Variants in OR9Q1 observed in about 807,000 individuals in gnomAD.
OR9Q1 encodes the protein olfactory receptor 9Q1.
For missense variants in OR9Q1, 374 were observed against 378.8 expected (o/e 0.99, Z 0.11); for synonymous variants, 153 against 148.6 (o/e 1.03, Z -0.22).
chr11:58,141,225 A>G (rs1487095153), intron 2 of OR9Q1, among the ~76,000 whole-genome samples: 5 of 152,016 alleles, frequency 3.3e-5, no homozygotes, highest in African/African-American at 4.8e-5. Context: ...TCTCCTGCCT[A>G]ATTGCCCTGG....
intron 2 of OR9Q1, among the ~76,000 whole-genome samples, chr11:58,066,560 CTCCG>C (rs1853431973): frequency 6.6e-6 from 1 of 152,158 alleles, no homozygotes; most frequent in African/African-American, 2.4e-5. Flanking sequence ...TTCTCCAGGT[CTCCG>C]AGACTTTCTT....
At chr11:58,144,297 C>T (rs1489230148) in intron 2 of OR9Q1, among the ~76,000 whole-genome samples, 1 of 149,718 alleles carries the variant, frequency 6.7e-6, no homozygotes, top group African/African-American at 2.5e-5. Context: ...TTTGTCCTTG[C>T]GATAGTTTGC....
chr11:58,108,415 G>T (rs910208991), intron 2 of OR9Q1, among the ~76,000 whole-genome samples: 2 of 152,150 alleles, frequency 1.3e-5, no homozygotes, highest in South Asian at 4.1e-4. Context: ...ATGGTAATCA[G>T]TTCGCTTATG....
Position 58,180,001 on chromosome 11 carries a change from A to T in OR9Q1, c.557A>T (p.Lys186Met). 1 of 1,614,076 alleles carries T rather than the reference A, an allele frequency of 6.2e-7. No homozygotes were observed. The highest frequency in any genetic ancestry group is 1.1e-5 in the South Asian group (1 of 91,058). ...FIFCDLPPLL[K>M]LTCGESYTQE... ...TTCTGTGACCTCCCTCCTCTGTTAA[A>T]GTTGACCTGTGGGGAGAGCTACACT... is the stretch of plus-strand genomic sequence containing the variant. Residue 186 changes from lysine to methionine, a missense_variant, in exon 3 of 3, where the codon AAG becomes ATG. Lys to Met is a moderately conservative substitution (Grantham distance 95). Transcript: ENST00000335397.
intron 2 of OR9Q1, among the ~76,000 whole-genome samples, chr11:58,164,262 A>G (rs1354639780): frequency 2.0e-5 from 3 of 152,102 alleles, no homozygotes; most frequent in Non-Finnish European, 4.4e-5. Context: ...AATTATGATT[A>G]TTTCATATTG....
At chr11:58,045,596 A>G (rs1853208821) in intron 1 of OR9Q1, among the ~76,000 whole-genome samples, 1 of 152,174 alleles carries the variant, frequency 6.6e-6, no homozygotes, top group Non-Finnish European at 1.5e-5. Context: ...TGAAGTCCAT[A>G]TCATAGTGAC....
At chr11:58,046,579 C>T (rs957948993) in intron 1 of OR9Q1, among the ~76,000 whole-genome samples, 1 of 152,136 alleles carries the variant, frequency 6.6e-6, no homozygotes, top group East Asian at 1.9e-4. Flanking sequence ...TAGAATTTCT[C>T]AGCTGATCGT....
At chr11:58,154,889 G>A (rs1036745877) in intron 2 of OR9Q1, among the ~76,000 whole-genome samples, 1 of 152,192 alleles carries the variant, frequency 6.6e-6, no homozygotes, top group Admixed American at 6.5e-5. Flanking sequence ...TTTCCATCAG[G>A]GTGAGCTGTT....
At chr11:58,127,532 C>T (rs1329491941) in intron 2 of OR9Q1, among the ~76,000 whole-genome samples, 1 of 152,142 alleles carries the variant, frequency 6.6e-6, no homozygotes, top group Non-Finnish European at 1.5e-5. Context: ...CTTTTTGCAG[C>T]CCACACCAAC....
chr11:58,107,593 G>A (rs576033680), intron 2 of OR9Q1, among the ~76,000 whole-genome samples: 1 of 152,228 alleles, frequency 6.6e-6, no homozygotes, highest in East Asian at 1.9e-4. Context: ...TGTCTTTATG[G>A]TAGCATGATT....
Position 58,180,036 on chromosome 11 carries a change from C to T in OR9Q1, c.592C>T (p.Leu198=). The T allele has an allele frequency of 1.2e-6, 2 of 1,614,140 alleles. No homozygotes were observed. The highest frequency in any genetic ancestry group is 1.7e-6 in the Non-Finnish European group (2 of 1,179,990). Residue 198 remains leucine, a synonymous_variant, in exon 3 of 3, where the codon CTG becomes TTG. Coordinates refer to ENST00000335397, the MANE Select transcript of OR9Q1 (RefSeq NM_001005212.4). The part of the protein sequence containing the change: ...TCGESYTQEV[L]IIMFAIFVIP... ...TGGGGAGAGCTACACTCAAGAAGTGCTGATTATTATGTTTGCCATTTTTGT... is the reference window on the plus strand; with the variant it reads ...TGGGGAGAGCTACACTCAAGAAGTGTTGATTATTATGTTTGCCATTTTTGT...
Position 58,119,337 on chromosome 11 carries a change from T to C in OR9Q1, c.-14-60094T>C. 3 of 1,613,644 alleles carry C rather than the reference T, an allele frequency of 1.9e-6. No individual in the cohort carries two copies. In the South Asian group the frequency reaches 3.3e-5, roughly 18 times the overall value. Reference sequence around the variant, plus strand: ...TCCCCACATTCCCAAGAAGGGTGACTAGGTAGAAACTCAGAAACACCAGAA... The same window carrying C: ...TCCCCACATTCCCAAGAAGGGTGACCAGGTAGAAACTCAGAAACACCAGAA... On this transcript the variant is annotated intron_variant, in intron 2 of 2. Coordinates refer to ENST00000335397, the MANE Select transcript of OR9Q1 (RefSeq NM_001005212.4).
At chr11:58,130,763 C>T (rs917489347) in intron 2 of OR9Q1, among the ~76,000 whole-genome samples, 11 of 151,374 alleles carry the variant, frequency 7.3e-5, no homozygotes, top group Non-Finnish European at 1.3e-4. Flanking sequence ...ACTGAGATCA[C>T]GCCACTGCAC....
At chr11:58,137,281 A>G (rs1368306330) in intron 2 of OR9Q1, among the ~76,000 whole-genome samples, 1 of 152,224 alleles carries the variant, frequency 6.6e-6, no homozygotes, top group East Asian at 1.9e-4. Context: ...AGCTGGAAGC[A>G]AGGTTTGTTT....
chr11:58,139,234 G>A (rs1379772784), intron 2 of OR9Q1, among the ~76,000 whole-genome samples: 1 of 151,610 alleles, frequency 6.6e-6, no homozygotes, highest in Non-Finnish European at 1.5e-5. Flanking sequence ...TATATACAGG[G>A]TTTTTTCCCT....
chr11:58,170,328 AT>A (rs34999731), intron 2 of OR9Q1, among the ~76,000 whole-genome samples: 6 of 151,362 alleles, frequency 4.0e-5, no homozygotes, highest in African/African-American at 1.5e-4. Flanking sequence ...TACACATAAC[AT>A]TTTTTTTCAA....
chr11:58,158,393 G>A (rs1283236731), intron 2 of OR9Q1, among the ~76,000 whole-genome samples: 2 of 146,472 alleles, frequency 1.4e-5, no homozygotes, highest in African/African-American at 5.0e-5. Flanking sequence ...TCTGGGTCAT[G>A]TGATATAAAC....
intron 2 of OR9Q1, among the ~76,000 whole-genome samples, chr11:58,129,331 A>C (rs549040805): frequency 6.6e-6 from 1 of 151,828 alleles, no homozygotes; most frequent in East Asian, 1.9e-4. Flanking sequence ...CACTCCCACA[A>C]TAGCCCCCTA....
At chr11:58,056,966 T>C (rs921496106) in intron 2 of OR9Q1, among the ~76,000 whole-genome samples, 1 of 149,622 alleles carries the variant, frequency 6.7e-6, no homozygotes, top group Non-Finnish European at 1.5e-5. Context: ...TTCCTAAGGC[T>C]TCCATGGTTA....
Sources: allele counts gnomAD v4.1 joint callset (sites outside exome capture counted in the v4.1 genomes callset), GRCh38; gene constraint gnomAD v4.1.1; transcripts MANE v1.5; gene names NCBI Gene and HGNC (gene_info 2026-07-23, HGNC 2026-07-21).